Variants in BCO2 observed in about 807,000 individuals in gnomAD.
BCO2 encodes carotenoid-cleaving dioxygenase, mitochondrial.
A neutral mutation model predicts 65.8 loss-of-function variants in BCO2; 56 were observed. The observed-to-expected ratio is 0.85, with a 90% CI of 0.69 to 1.06. The LOEUF (loss-of-function observed/expected upper bound fraction) is 1.06, where lower values mean the gene tolerates loss of function less well. Ranked by LOEUF, BCO2 falls within the 50% of genes least tolerant of loss-of-function variation. BCO2 has a pLI of 0.00. For missense variants in BCO2, 675 were observed against 698.5 expected (o/e 0.97, Z 0.38); for synonymous variants, 233 against 242.3 (o/e 0.96, Z 0.36).
At chr11:112,179,582 A>T (rs1435256565) in intron 2 of BCO2, 100 bp downstream of exon 2, 9 of 1,080,160 alleles carry the variant, frequency 8.3e-6, no homozygotes, top group Non-Finnish European at 1.1e-5. Context: ...TAATATTTCC[A>T]TTCCATCCCT....
intron 1 of BCO2, among the ~76,000 whole-genome samples, chr11:112,176,869 A>G (rs1023412959): frequency 5.9e-5 from 9 of 152,214 alleles, no homozygotes; most frequent in Non-Finnish European, 1.2e-4. Context: ...AGCAGAATGC[A>G]GAGAGTAGTT....
chr11:112,217,141 A>G (rs903508350), intron 11 of BCO2, among the ~76,000 whole-genome samples: 1 of 152,270 alleles, frequency 6.6e-6, no homozygotes, highest in African/African-American at 2.4e-5. Context: ...GAAAGGCACA[A>G]GCAAAAATAT....
intron 8 of BCO2, among the ~76,000 whole-genome samples, chr11:112,204,871 G>A (rs1019926142): frequency 6.6e-6 from 1 of 152,058 alleles, no homozygotes; most frequent in Non-Finnish European, 1.5e-5. Context: ...TGTCATATTG[G>A]CCAGGCTGCT....
Position 112,217,063 on chromosome 11 carries a change from C to A in BCO2, c.1627-698C>A, listed in dbSNP as rs139756116. 4.9e-3 allele frequency among the ~76,000 whole-genome samples: 748 copies of A among 152,312 alleles called. 3 individuals are homozygous for A. Among genetic ancestry groups the A allele is most frequent in the South Asian group, 0.021 (102 of 4,828 alleles). On this transcript the variant is annotated intron_variant, in intron 11 of 11. Transcript: ENST00000357685. Reference sequence around the variant, plus strand: ...CCTTGCAATGCTGGCCTTTAAACAGCTCCAAAGTAACACAAAATGGAGGCA... The same window carrying A: ...CCTTGCAATGCTGGCCTTTAAACAGATCCAAAGTAACACAAAATGGAGGCA...
At chr11:112,202,404 T>C (rs1412925334) in intron 8 of BCO2, among the ~76,000 whole-genome samples, 1 of 152,026 alleles carries the variant, frequency 6.6e-6, no homozygotes, top group African/African-American at 2.4e-5. Flanking sequence ...TGCCTCAGCC[T>C]CCCGGGTAGC....
At chr11:112,204,733 C>T (rs139621117) in intron 8 of BCO2, among the ~76,000 whole-genome samples, 3,198 of 152,206 alleles carry the variant, frequency 0.021, 109 homozygotes, top group African/African-American at 0.072. Context: ...AGTGCAATGG[C>T]GTGATCTCGT....
chr11:112,214,932 T>A lies in BCO2; in HGVS notation c.1503T>A (p.Asn501Lys). ...GDSLIKVDVV[N>K]KTLKVWREDG... Reference sequence around the variant, plus strand: ...CTCTGATCAAGGTTGATGTGGTGAATAAGACACTGAAGGTGATGAAAAACT... The same window carrying A: ...CTCTGATCAAGGTTGATGTGGTGAAAAAGACACTGAAGGTGATGAAAAACT... The change falls in exon 10 of 12, where the codon AAT becomes AAA. Residue 501 changes from asparagine (N) to lysine (K), a missense_variant. Coordinates refer to ENST00000357685, the MANE Select transcript of BCO2 (RefSeq NM_031938.7). The A allele has an allele frequency of 6.2e-7, 1 of 1,614,188 alleles. No individual in the cohort carries two copies. Among genetic ancestry groups the A allele is most frequent in the Non-Finnish European group, 8.5e-7 (1 of 1,180,004 alleles).
intron 10 of BCO2, chr11:112,215,330 T>A (rs1269629099): frequency 3.9e-6 from 1 of 253,500 alleles, no homozygotes; most frequent in African/African-American, 2.3e-5. Context: ...CCTGATTCTT[T>A]TACTTTTGGA....
At position 112,217,716 on chromosome 11, in the gene BCO2, T is replaced by G. The variant is rs761632343; in HGVS notation, c.1627-45T>G. The G allele has an allele frequency of 6.1e-6, 9 of 1,474,192 alleles. No homozygotes were observed. The African/African-American group carries it at 1.3e-4, about 21-fold the overall frequency. 91.3% of individuals were successfully genotyped at this position (1,474,192 alleles called of 1,614,324 possible). ...CTTAGTGGAGGAGACAGGCAAATTT[T>G]TGATGAAAAAAAGATAATTTTCAAT... On this transcript the variant is annotated intron_variant, in intron 11 of 11. Coordinates refer to ENST00000357685, the MANE Select transcript of BCO2 (RefSeq NM_031938.7).
Position 112,179,337 on chromosome 11 carries a change from G to A in BCO2, c.148G>A (p.Gly50Ser). The change falls in exon 2 of 12, where the codon GGT (glycine) becomes AGT (serine). Residue 50 changes from glycine to serine, a missense_variant. Transcript: ENST00000357685. Reference sequence around the variant, plus strand: ...AAAAGCCGTCTTTGGGCAGTGTCGGGGTCTGCCATGTGTTGCACCGCTGCT... The same window carrying A: ...AAAAGCCGTCTTTGGGCAGTGTCGGAGTCTGCCATGTGTTGCACCGCTGCT... The part of the protein sequence containing the change: ...QKKAVFGQCR[G>S]LPCVAPLLTT... 6.2e-7 allele frequency: 1 copy of A among 1,614,176 alleles called. No homozygotes were observed. Among genetic ancestry groups the A allele is most frequent in the Non-Finnish European group, 8.5e-7 (1 of 1,180,038 alleles).
chr11:112,203,678 C>T (rs1323974699), intron 8 of BCO2, among the ~76,000 whole-genome samples: 5 of 152,122 alleles, frequency 3.3e-5, no homozygotes, highest in Admixed American at 1.3e-4. Context: ...TACGTTTGTA[C>T]GTTAGACCTC....
chr11:112,185,384 G>A (rs561302712), intron 2 of BCO2, among the ~76,000 whole-genome samples: 8 of 152,232 alleles, frequency 5.3e-5, no homozygotes, highest in Admixed American at 2.0e-4. Context: ...TACTAGGGAC[G>A]TGAAGCTATG....
intron 2 of BCO2, among the ~76,000 whole-genome samples, chr11:112,186,406 C>A (rs1410103797): frequency 6.7e-6 from 1 of 149,038 alleles, no homozygotes; most frequent in Non-Finnish European, 1.5e-5. Flanking sequence ...GGAACAAGGT[C>A]TTGCCTTCCC....
chr11:112,193,019 C>T (rs1269828956), intron 2 of BCO2, among the ~76,000 whole-genome samples: 1 of 144,252 alleles, frequency 6.9e-6, no homozygotes. Flanking sequence ...CCTCTGTCGC[C>T]CAGGCTGAAG....
At chr11:112,214,985 T>C in intron 10 of BCO2, 41 bp downstream of exon 10, 1 of 1,573,590 alleles carries the variant, frequency 6.4e-7, no homozygotes, top group Non-Finnish European at 8.7e-7. Flanking sequence ...TTCAGAGACC[T>C]GTTCTTCCCT....
chr11:112,187,871 T>C (rs1867247462), intron 2 of BCO2, among the ~76,000 whole-genome samples: 1 of 151,958 alleles, frequency 6.6e-6, no homozygotes. Context: ...CATATTCCTC[T>C]GAACCTTGGT....
intron 2 of BCO2, among the ~76,000 whole-genome samples, chr11:112,192,925 G>GTTTTTTTTTTT (rs71060229): frequency 0.042 from 1,554 of 36,610 alleles, 274 homozygotes; most frequent in Middle Eastern, 0.067. Flanking sequence ...AAAATGTGAG[G>GTTTTTTTTTTT]TTTTTTTTTT....
Position 112,212,045 on chromosome 11 carries a change from T to TA in BCO2, c.1195-1669dup, listed in dbSNP as rs199754675. Among the ~76,000 whole-genome samples, 302 of 58,994 alleles carry TA rather than the reference T, an allele frequency of 5.1e-3. 1 individual carries two copies. The Middle Eastern group carries it at 0.056, about 11-fold the overall frequency. 38.7% of individuals were successfully genotyped at this position (58,994 alleles called of 152,430 possible). A position where few individuals can be genotyped will look rare whatever the true frequency, so the allele number is the denominator to read the frequency against. On this transcript the variant is annotated intron_variant, in intron 8 of 11. Transcript: ENST00000357685. Reference sequence around the variant, plus strand: ...CTTCTGAAGCCATGGTGACCTTTTATAAAAAAAAAAGCTAATAACTTTATG... The same window carrying TA: ...CTTCTGAAGCCATGGTGACCTTTTATAAAAAAAAAAAGCTAATAACTTTATG...
At chr11:112,212,740 T>C (rs1028204827) in intron 8 of BCO2, among the ~76,000 whole-genome samples, 5 of 152,214 alleles carry the variant, frequency 3.3e-5, no homozygotes, top group African/African-American at 1.2e-4. Context: ...GGATGAATCA[T>C]ATAAGCATAA....
Sources: allele counts gnomAD v4.1 joint callset (sites outside exome capture counted in the v4.1 genomes callset), GRCh38; gene constraint gnomAD v4.1.1; transcripts MANE v1.5; gene names NCBI Gene and HGNC (gene_info 2026-07-23, HGNC 2026-07-21).